The following CARD16 variants were observed in gnomAD, a reference collection of about 807,000 sequenced individuals.
The protein encoded by CARD16 is caspase recruitment domain-containing protein 16.
A neutral mutation model predicts 11.9 loss-of-function variants in CARD16; 8 were observed. That is an observed-to-expected ratio of 0.67 (90% confidence interval 0.39 to 1.21). The LOEUF (loss-of-function observed/expected upper bound fraction) is 1.21. CARD16 is among the 50% of genes most tolerant of loss of function. CARD16 has a pLI of 0.01. For missense variants in CARD16, 131 were observed against 118.1 expected (o/e 1.11, Z -0.51); for synonymous variants, 44 against 43.8 (o/e 1.00, Z -0.02).
In CARD16 at chr11:105,044,496, A is replaced by G. The variant is rs201870366; in HGVS notation, c.170T>C (p.Leu57Ser). ...CCCTTTCGGAATAACGGAGTCAATC[A>G]AAGCTCGGGTCTTATCCATAACTGT... Reference protein sequence around the residue: ...NATVMDKTRALIDSVIPKGAQ... With the variant: ...NATVMDKTRASIDSVIPKGAQ... Residue 57 changes from leucine to serine, a missense_variant, in exon 2 of 4, where the codon TTG becomes TCG. Physicochemically the swap from Leu to Ser is moderately radical, Grantham distance 145. Transcript: ENST00000673097. 146 of 1,614,026 alleles carry G rather than the reference A, an allele frequency of 9.0e-5. 1 individual carries two copies. In the Middle Eastern group the frequency reaches 1.2e-3, roughly 13 times the overall value.
At chr11:105,043,302 T>C (rs190937535) in intron 3 of CARD16, among the ~76,000 whole-genome samples, 181 bp downstream of exon 3, 11 of 152,112 alleles carry the variant, frequency 7.2e-5, no homozygotes, top group Non-Finnish European at 1.5e-4. Context: ...TTTGTTAGTA[T>C]AAATAAGAGT....
rs1386847771 is a variant in CARD16, at chr11:105,044,519, T to C, written c.147A>G (p.Thr49=). ...TCAAAGCTCGGGTCTTATCCATAACTGTAGCATTTTCACGTTTTACTTTCT... is the reference window on the plus strand; with the variant it reads ...TCAAAGCTCGGGTCTTATCCATAACCGTAGCATTTTCACGTTTTACTTTCT... ...EMEKVKRENA[T]VMDKTRALID... Residue 49 remains threonine (T), a synonymous_variant, in exon 2 of 4, where the codon ACA becomes ACG. Coordinates refer to ENST00000673097, the MANE Select transcript of CARD16 (RefSeq NM_052889.4). 2 of 1,614,138 alleles carry C rather than the reference T, an allele frequency of 1.2e-6. No individual in the cohort carries two copies. The highest frequency in any genetic ancestry group is 1.6e-4 in the Middle Eastern group (1 of 6,062).
At chr11:105,045,077 G>T in intron 1 of CARD16, 1 of 667,636 alleles carries the variant, frequency 1.5e-6, no homozygotes, top group Non-Finnish European at 2.6e-6. Context: ...ATGACAGCAG[G>T]CTACCCCTAA....
chr11:105,043,565 A>T lies in CARD16; in HGVS notation c.275-20T>A, dbSNP rs1183847570. ...TCGGACCTATAAAAAGATGAAGAAC[A>T]TTGAAATAGCCACTTATCATCTCTG... is the stretch of plus-strand genomic sequence containing the variant. On this transcript the variant is annotated intron_variant, in intron 2 of 3. Transcript: ENST00000673097. 4.5e-6 allele frequency: 7 copies of T among 1,566,576 alleles called. No homozygotes were observed. In the East Asian group the frequency reaches 1.6e-4, roughly 35 times the overall value.
At position 105,045,312 on chromosome 11, in the gene CARD16, A is replaced by C; in HGVS notation, c.-15T>G. The C allele has an allele frequency of 6.2e-7, 1 of 1,613,602 alleles. No homozygotes were observed. Among genetic ancestry groups the C allele is most frequent in the Non-Finnish European group, 8.5e-7 (1 of 1,179,774 alleles). On this transcript the variant is annotated 5_prime_UTR_variant, in exon 1 of 4. Transcript: ENST00000673097. ...TCACCGGCCATGGCTTTTCTCTCCTACCCTTCTTGTGTGGGCTGAAACTGA... is the reference window on the plus strand; with the variant it reads ...TCACCGGCCATGGCTTTTCTCTCCTCCCCTTCTTGTGTGGGCTGAAACTGA...
intron 2 of CARD16, 128 bp from the exon 3 acceptor site, chr11:105,043,673 A>G: frequency 1.4e-6 from 1 of 704,626 alleles, no homozygotes; most frequent in Non-Finnish European, 2.5e-6. Context: ...AATAATGTTC[A>G]AGTGCACCAA....
Position 105,044,670 on chromosome 11 carries a change from A to G in CARD16, c.8-12T>C. 6.2e-7 allele frequency: 1 copy of G among 1,613,216 alleles called. No individual in the cohort carries two copies. The highest frequency in any genetic ancestry group is 8.5e-7 in the Non-Finnish European group (1 of 1,179,302). On this transcript the variant is annotated splice_polypyrimidine_tract_variant and intron_variant, in intron 1 of 3. Coordinates refer to ENST00000673097, the MANE Select transcript of CARD16 (RefSeq NM_052889.4). Reference sequence around the variant, plus strand: ...CTTCAGGACCTTGTCTGTTTGGAGCACAAGGATTTCTCACATCATGAAAAC... The same window carrying G: ...CTTCAGGACCTTGTCTGTTTGGAGCGCAAGGATTTCTCACATCATGAAAAC...
intron 3 of CARD16, 39 bp downstream of exon 3, chr11:105,043,443 TG>T (rs1172369402): frequency 1.7e-5 from 23 of 1,385,174 alleles, no homozygotes; most frequent in Non-Finnish European, 2.1e-5. Flanking sequence ...TTAAAGAAGA[TG>T]GGGTTCAAAG....
Position 105,042,354 on chromosome 11 carries a change from C to T in CARD16, c.*44-635G>A, listed in dbSNP as rs548525421. ...TTCATAGCACTAAACATTGCTTTCA[C>T]GAACATATGAGGAAATGTTTTCACA... On this transcript the variant is annotated intron_variant, in intron 3 of 3. Coordinates refer to ENST00000673097, the MANE Select transcript of CARD16 (RefSeq NM_052889.4). 1.6e-4 allele frequency among the ~76,000 whole-genome samples: 24 copies of T among 152,156 alleles called. 1 individual carries two copies. The highest frequency in any genetic ancestry group is 8.3e-4 in the South Asian group (4 of 4,822).
At chr11:105,045,161 C>T (rs1864177380) in intron 1 of CARD16, 130 bp downstream of exon 1, 1 of 1,317,706 alleles carries the variant, frequency 7.6e-7, no homozygotes, top group Non-Finnish European at 1.1e-6. Flanking sequence ...TCTCTCCTCC[C>T]ACTCCTCCCT....
chr11:105,044,059 A>T (rs1864154081), intron 2 of CARD16: 1 of 418,528 alleles, frequency 2.4e-6, no homozygotes, highest in South Asian at 3.1e-5. Context: ...GACACCCTGG[A>T]CACAAAATAA....
chr11:105,044,257 C>A (rs1456554411), intron 2 of CARD16, 135 bp downstream of exon 2: 4 of 1,400,528 alleles, frequency 2.9e-6, no homozygotes, highest in East Asian at 2.3e-5. Context: ...TGCAATAGGG[C>A]CTCTGCTACA....
intron 3 of CARD16, 71 bp downstream of exon 3, chr11:105,043,412 G>C: frequency 1.9e-6 from 2 of 1,064,068 alleles, no homozygotes; most frequent in Non-Finnish European, 2.9e-6. Context: ...TTCAAGCAGA[G>C]CTCATTCCAC....
intron 2 of CARD16, chr11:105,043,932 A>G (rs1864151746): frequency 3.9e-6 from 1 of 253,320 alleles, no homozygotes; most frequent in African/African-American, 2.2e-5. Flanking sequence ...TGAACGTATC[A>G]TCGTCACTTA....
intron 3 of CARD16, among the ~76,000 whole-genome samples, chr11:105,042,104 T>A (rs938878229): frequency 1.3e-5 from 2 of 152,192 alleles, no homozygotes; most frequent in African/African-American, 4.8e-5. Flanking sequence ...CAGGTCTTAA[T>A]TAACACTAAT....
At chr11:105,044,259 T>C (rs1165907483) in intron 2 of CARD16, 133 bp downstream of exon 2, 3 of 1,433,622 alleles carry the variant, frequency 2.1e-6, no homozygotes, top group East Asian at 2.3e-5. Context: ...CAATAGGGCC[T>C]CTGCTACAGA....
rs267602677 is a variant in CARD16, at chr11:105,041,604, C to G, written c.*159G>C. 2 of 1,614,072 alleles carry G rather than the reference C, an allele frequency of 1.2e-6. No individual in the cohort carries two copies. The highest frequency in any genetic ancestry group is 1.3e-5 in the African/African-American group (1 of 75,046). On this transcript the variant is annotated 3_prime_UTR_variant, in exon 4 of 4. Transcript: ENST00000673097. The stretch of plus-strand genomic sequence containing the variant: ...TTATTATTGTATTCTGAACATGGCA[C>G]CTCTGCAACTTTTGTTTCCATATCC...
intron 1 of CARD16, 105 bp downstream of exon 1, chr11:105,045,186 C>T (rs1864178221): frequency 2.0e-6 from 3 of 1,521,122 alleles, no homozygotes; most frequent in Non-Finnish European, 2.7e-6. Flanking sequence ...CTCACTTCTG[C>T]TCACCTAAAC....
rs377134338 is a variant in CARD16, at chr11:105,041,767, T to C, written c.*44-48A>G. ...TGAACAGTGGTATCCCTCTTTGTTC[T>C]TATAGCCTCACCTATGGAGGAAGCT... On this transcript the variant is annotated intron_variant, in intron 3 of 3. Coordinates refer to ENST00000673097, the MANE Select transcript of CARD16 (RefSeq NM_052889.4). 3.2e-6 allele frequency: 5 copies of C among 1,558,970 alleles called. No homozygotes were observed. In the East Asian group the frequency reaches 9.0e-5, roughly 28 times the overall value.
Sources: allele counts gnomAD v4.1 joint callset (sites outside exome capture counted in the v4.1 genomes callset), GRCh38; gene constraint gnomAD v4.1.1; transcripts MANE v1.5; gene names NCBI Gene and HGNC (gene_info 2026-07-23, HGNC 2026-07-21).